HSD17B4: variants seen among roughly 807,000 people sequenced by gnomAD.
The protein encoded by HSD17B4 is peroxisomal multifunctional enzyme type 2.
In HSD17B4, 70 loss-of-function variants were observed where a neutral mutation model predicts 101.0. That is an observed-to-expected ratio of 0.69 (90% CI 0.57 to 0.85). HSD17B4 has a LOEUF of 0.85. Among genes scored for constraint, HSD17B4 ranks in the 40% least tolerant of loss-of-function variants. HSD17B4 has a pLI of 0.00. For synonymous variants in HSD17B4, 347 were observed against 297.1 expected (o/e 1.17, Z -1.73); for missense variants, 984 against 892.4 (o/e 1.10, Z -1.31).
At chr5:119,530,177 T>C in intron 21 of HSD17B4, 197 bp downstream of exon 21, 2 of 578,470 alleles carry the variant, frequency 3.5e-6, no homozygotes, top group South Asian at 4.1e-5. Context: ...AAAAAACTCG[T>C]TTTGCAGGAT....
At chr5:119,502,148 T>G (rs1580632166) in intron 14 of HSD17B4, 56 bp downstream of exon 14, 3 of 1,119,172 alleles carry the variant, frequency 2.7e-6, no homozygotes, top group East Asian at 2.4e-5. Flanking sequence ...CAGATTAACC[T>G]TTTAAACAAC....
intron 8 of HSD17B4, among the ~76,000 whole-genome samples, chr5:119,488,172 G>A (rs1237061928): frequency 2.0e-5 from 3 of 152,096 alleles, no homozygotes; most frequent in Non-Finnish European, 4.4e-5. Context: ...GGTGGAATAG[G>A]AAGCAGAAGC....
Position 119,529,225 on chromosome 5 carries a change from C to A in HSD17B4, c.1768-669C>A, listed in dbSNP as rs79060912. Among the ~76,000 whole-genome samples the A allele has an allele frequency of 6.6e-5, 10 of 152,180 alleles. No individual in the cohort carries two copies. The East Asian group carries it at 1.7e-3, about 26-fold the overall frequency. On this transcript the variant is annotated intron_variant, in intron 20 of 23. Transcript: ENST00000510025. ...TTATCCTATACATTTGTAGCAATAA[C>A]AATTTTTATGAAAGAATAGCCATTG...
chr5:119,471,262 A>C (rs1756335676), intron 2 of HSD17B4, among the ~76,000 whole-genome samples: 1 of 152,090 alleles, frequency 6.6e-6, no homozygotes, highest in African/African-American at 2.4e-5. Flanking sequence ...CACTTTTTCC[A>C]TCTCTTGAGG....
At chr5:119,530,619 G>A (rs1580708932) in intron 21 of HSD17B4, among the ~76,000 whole-genome samples, 1 of 151,538 alleles carries the variant, frequency 6.6e-6, no homozygotes, top group Middle Eastern at 3.4e-3. Flanking sequence ...TTGGGAGGCT[G>A]AAGTGGTTAG....
chr5:119,459,432 G>C (rs189658516), intron 2 of HSD17B4, among the ~76,000 whole-genome samples: 434 of 152,258 alleles, frequency 2.9e-3, no homozygotes, highest in Non-Finnish European at 4.7e-3. Flanking sequence ...TGTTGACTGA[G>C]GTCTTGTTGA....
chr5:119,501,704 CCCAATATGTT>C (rs1751179976), intron 13 of HSD17B4, among the ~76,000 whole-genome samples: 1 of 152,034 alleles, frequency 6.6e-6, no homozygotes, highest in African/African-American at 2.4e-5. Flanking sequence ...TTATTGGATG[CCCAATATGTT>C]CCAGGCACTG....
At position 119,493,858 on chromosome 5, in the gene HSD17B4, G is replaced by T; in HGVS notation, c.780G>T (p.Lys260Asn). Residue 260 changes from lysine to asparagine, a missense_variant, in exon 11 of 24, where the codon AAG (lysine) becomes AAT (asparagine). Lys to Asn is a moderately conservative substitution (Grantham distance 94). Transcript: ENST00000510025. ...ERTLGAIVRQ[K>N]NHPMTPEAVK... ...CTCTTGGAGCTATTGTAAGACAAAAGAATCACCCAATGACTCCTGAGGCAG... is the reference window on the plus strand; with the variant it reads ...CTCTTGGAGCTATTGTAAGACAAAATAATCACCCAATGACTCCTGAGGCAG... 6.2e-7 allele frequency: 1 copy of T among 1,613,108 alleles called. No individual in the cohort carries two copies. Among genetic ancestry groups the T allele is most frequent in the Non-Finnish European group, 8.5e-7 (1 of 1,179,252 alleles).
At chr5:119,524,175 T>C (rs1205268163) in intron 17 of HSD17B4, among the ~76,000 whole-genome samples, 1 of 152,092 alleles carries the variant, frequency 6.6e-6, no homozygotes, top group Non-Finnish European at 1.5e-5. Flanking sequence ...GGAAAGAATA[T>C]TGAGTCATTG....
intron 22 of HSD17B4, 50 bp from the exon 23 acceptor site, chr5:119,536,373 T>G: frequency 1.3e-6 from 2 of 1,570,946 alleles, no homozygotes; most frequent in Non-Finnish European, 1.8e-6. Flanking sequence ...TTTACCCTCA[T>G]TTTGTTGGAG....
At chr5:119,531,674 A>C (rs1754128411) in intron 22 of HSD17B4, among the ~76,000 whole-genome samples, 1 of 151,942 alleles carries the variant, frequency 6.6e-6, no homozygotes, top group South Asian at 2.1e-4. Context: ...GTAATCCTTG[A>C]AAGTAGTTTA....
intron 12 of HSD17B4, among the ~76,000 whole-genome samples, chr5:119,497,791 A>G (rs1204649994): frequency 6.6e-6 from 1 of 152,248 alleles, no homozygotes; most frequent in Non-Finnish European, 1.5e-5. Context: ...TTTGAACATA[A>G]GCTCAGATAT....
chr5:119,528,878 T>C (rs1250645368), intron 20 of HSD17B4, among the ~76,000 whole-genome samples: 1 of 152,124 alleles, frequency 6.6e-6, no homozygotes, highest in African/African-American at 2.4e-5. Context: ...GTTTTAGGAC[T>C]CCTTCTCTCC....
intron 17 of HSD17B4, among the ~76,000 whole-genome samples, chr5:119,519,962 G>A (rs910718134): frequency 6.6e-6 from 1 of 152,078 alleles, no homozygotes; most frequent in African/African-American, 2.4e-5. Context: ...GGTCCCACTC[G>A]CAGCTCCAGA....
intron 8 of HSD17B4, among the ~76,000 whole-genome samples, chr5:119,486,331 G>A (rs1749606807): frequency 6.6e-6 from 1 of 152,124 alleles, no homozygotes; most frequent in South Asian, 2.1e-4. Flanking sequence ...GTCATTGGAG[G>A]TCATCTTGAT....
At chr5:119,454,915 C>A (rs1192747620) in intron 1 of HSD17B4, among the ~76,000 whole-genome samples, 2 of 152,112 alleles carry the variant, frequency 1.3e-5, no homozygotes, top group South Asian at 2.1e-4. Flanking sequence ...TGTCACTACT[C>A]CTGGCCTTGG....
intron 1 of HSD17B4, 55 bp from the exon 2 acceptor site, chr5:119,456,260 C>CA: frequency 1.6e-6 from 2 of 1,262,010 alleles, no homozygotes; most frequent in Non-Finnish European, 2.3e-6. Context: ...TTGAGCGGAC[C>CA]AAAAAAATTA....
rs1258313993 is a variant in HSD17B4 at position 119,509,145 on chromosome 5, T to C, written c.1338T>C (p.Tyr446=). 1.3e-6 allele frequency: 2 copies of C among 1,530,480 alleles called. No homozygotes were observed. The highest frequency in any genetic ancestry group is 1.1e-5 in the South Asian group (1 of 89,314). The allele number at this position is 1,530,480 out of a possible 1,614,324, so 94.8% of individuals were successfully genotyped here. Residue 446 remains tyrosine, a synonymous_variant, in exon 16 of 24, where the codon TAT becomes TAC. Coordinates refer to ENST00000510025, the MANE Select transcript of HSD17B4 (RefSeq NM_000414.4). ...TTTCTTTTATTTACTTTTCAGTCTA[T>C]TCTTATTCTGAGAAGGAACTTATAT... ...GSGVVIIMDV[Y]SYSEKELICH...
intron 1 of HSD17B4, chr5:119,452,936 T>G: frequency 8.8e-7 from 1 of 1,142,346 alleles, no homozygotes; most frequent in South Asian, 1.3e-5. Flanking sequence ...CCCTGACCCT[T>G]ATCTGTGGGC....
Sources: allele counts gnomAD v4.1 joint callset (sites outside exome capture counted in the v4.1 genomes callset), GRCh38; gene constraint gnomAD v4.1.1; transcripts MANE v1.5; gene names NCBI Gene and HGNC (gene_info 2026-07-23, HGNC 2026-07-21).